IPO5: variants seen among roughly 807,000 people sequenced by gnomAD.
The protein encoded by IPO5 is importin-5.
IPO5 carries 18 observed loss-of-function variants against 143.3 expected under a neutral mutation model. The observed-to-expected ratio is 0.13, with a 90% confidence interval of 0.09 to 0.19. IPO5 has a LOEUF of 0.19. Ranked by LOEUF, IPO5 falls within the 10% of genes least tolerant of loss-of-function variation. The probability of loss-of-function intolerance (pLI) is 1.00; values close to 1 mark genes in which losing one functional copy is unlikely to be tolerated. For synonymous variants in IPO5, 477 were observed against 465.7 expected, an observed-to-expected ratio of 1.02 and a Z score of -0.31; for missense variants, 1,013 against 1,336.9, an observed-to-expected ratio of 0.76 and a Z score of 3.78.
In IPO5 at chr13:98,002,538, G is replaced by C; in HGVS notation, c.1180G>C (p.Glu394Gln). 6.2e-7 allele frequency: 1 copy of C among 1,614,002 alleles called. No individual in the cohort carries two copies. Among genetic ancestry groups the C allele is most frequent in the Non-Finnish European group, 8.5e-7 (1 of 1,179,890 alleles). Residue 394 changes from glutamate to glutamine, a missense_variant, in exon 14 of 29, where the codon GAA becomes CAA. By Grantham distance (29) the Glu-to-Gln change is conservative. Coordinates refer to ENST00000651721, the MANE Select transcript of IPO5 (RefSeq NM_002271.6). ...TGGTGAAGGGTGCCACCAGCAAATG[G>C]AAGGAATTCTAAATGAGATCGTAAA... ...AIGEGCHQQM[E>Q]GILNEIVNFV...
Position 98,002,908 on chromosome 13 carries a change from A to G in IPO5, c.1368A>G (p.Gln456=), listed in dbSNP as rs1344598892. The change falls in exon 16 of 29, where the codon CAA becomes CAG. Residue 456 remains glutamine, a synonymous_variant. Coordinates refer to ENST00000651721, the MANE Select transcript of IPO5 (RefSeq NM_002271.6). ...LLQTMEDQGN[Q]RVQAHAAAAL... ...AGACCATGGAAGACCAAGGCAATCA[A>G]CGTGTGCAGGCCCATGCAGCTGCTG... The G allele has an allele frequency of 5.0e-6, 8 of 1,613,874 alleles. No homozygotes were observed. The highest frequency in any genetic ancestry group is 1.1e-5 in the South Asian group (1 of 91,038).
At position 97,993,235 on chromosome 13, in the gene IPO5, T is replaced by A. The variant is rs780183078; in HGVS notation, c.913+10T>A. On this transcript the variant is annotated intron_variant, in intron 11 of 28. Transcript: ENST00000651721. ...ATTGTTGCACAGACTAGTAAGTCAA[T>A]GGTCTTCAGATAGTTTATGTGTATT... The A allele has an allele frequency of 1.9e-6, 3 of 1,612,786 alleles. No homozygotes were observed. The highest frequency in any genetic ancestry group is 2.5e-6 in the Non-Finnish European group (3 of 1,179,594).
chr13:98,013,407 G>A (rs1397806986), intron 21 of IPO5, among the ~76,000 whole-genome samples: 5 of 152,082 alleles, frequency 3.3e-5, no homozygotes, highest in Admixed American at 6.6e-5. Flanking sequence ...CTTTACACAC[G>A]AGAGTGGTAG....
intron 21 of IPO5, among the ~76,000 whole-genome samples, chr13:98,012,801 ATTTTTTTTTTTTT>A (rs59658983): frequency 1.8e-5 from 2 of 109,180 alleles, no homozygotes; most frequent in African/African-American, 6.8e-5. Context: ...GCTAGATTTG[ATTTTTTTTTTTTT>A]TTTTTTTTTT....
At chr13:98,001,520 C>G (rs1888775641) in intron 13 of IPO5, 1 of 152,220 alleles carries the variant, frequency 6.6e-6, no homozygotes, top group Non-Finnish European at 1.5e-5. Flanking sequence ...CTCTGTCAAA[C>G]AGGCTGGAGT....
At chr13:97,986,908 T>C (rs1240406901) in intron 6 of IPO5, 1 of 152,280 alleles carries the variant, frequency 6.6e-6, no homozygotes, top group African/African-American at 2.4e-5. Flanking sequence ...GAAGCTCTGA[T>C]ACATTGAGGG....
chr13:98,008,160 A>G lies in IPO5; in HGVS notation c.1800+18A>G. On this transcript the variant is annotated intron_variant, in intron 18 of 28. Coordinates refer to ENST00000651721, the MANE Select transcript of IPO5 (RefSeq NM_002271.6). ...ATCCTCAGGTAAGTGGTCTTAATGCATTTGCTTTGATCCGCTAATGAGTTG... is the reference window on the plus strand; with the variant it reads ...ATCCTCAGGTAAGTGGTCTTAATGCGTTTGCTTTGATCCGCTAATGAGTTG... The G allele has an allele frequency of 1.4e-6, 2 of 1,448,162 alleles. No homozygotes were observed. Among genetic ancestry groups the G allele is most frequent in the Non-Finnish European group, 1.9e-6 (2 of 1,029,008 alleles). 89.7% of individuals were successfully genotyped at this position (1,448,162 alleles called of 1,614,324 possible).
intron 11 of IPO5, among the ~76,000 whole-genome samples, chr13:97,997,286 ATG>A (rs1888376960): frequency 6.6e-6 from 1 of 152,330 alleles, no homozygotes; most frequent in Middle Eastern, 3.4e-3. Context: ...GATGGGGAGA[ATG>A]TAATCGGATT....
At chr13:98,011,141 A>G (rs1313727803) in intron 20 of IPO5, among the ~76,000 whole-genome samples, 1 of 152,196 alleles carries the variant, frequency 6.6e-6, no homozygotes, top group East Asian at 1.9e-4. Context: ...CTTAGTATCT[A>G]TAAATTATAA....
intron 21 of IPO5, 60 bp downstream of exon 21, chr13:98,012,402 G>T: frequency 9.7e-7 from 1 of 1,029,376 alleles, no homozygotes; most frequent in South Asian, 1.3e-5. Context: ...TAGTTTCTTG[G>T]AGTATTAGAC....
At chr13:97,960,007 C>T (rs938573626) in intron 2 of IPO5, among the ~76,000 whole-genome samples, 9 of 152,128 alleles carry the variant, frequency 5.9e-5, no homozygotes, top group Non-Finnish European at 1.2e-4. Flanking sequence ...GTTCATTAAA[C>T]AAATACTACT....
intron 6 of IPO5, among the ~76,000 whole-genome samples, chr13:97,988,344 GT>G (rs1210058393): frequency 1.4e-4 from 22 of 152,270 alleles, no homozygotes; most frequent in African/African-American, 4.6e-4. Flanking sequence ...CAAAGTAGTT[GT>G]TACTTTGGTT....
chr13:97,986,473 A>G (rs1470626246), intron 6 of IPO5, among the ~76,000 whole-genome samples: 1 of 151,886 alleles, frequency 6.6e-6, no homozygotes, highest in Non-Finnish European at 1.5e-5. Context: ...TTCCTGCCTC[A>G]GCCTACCAAG....
chr13:97,976,870 G>A (rs1172019118), intron 4 of IPO5, 84 bp downstream of exon 4: 13 of 350,792 alleles, frequency 3.7e-5, no homozygotes, highest in Middle Eastern at 4.8e-4. Context: ...GGCCTCGGCC[G>A]GTCCGCGGCG....
rs1299684105 is a variant in IPO5 at position 97,954,130 on chromosome 13, G to A, written c.-181G>A. The A allele has an allele frequency of 3.9e-6, 1 of 255,086 alleles. No individual in the cohort carries two copies. Among genetic ancestry groups the A allele is most frequent in the Non-Finnish European group, 7.9e-6 (1 of 126,716 alleles). 15.8% of individuals were successfully genotyped at this position (255,086 alleles called of 1,614,324 possible). On this transcript the variant is annotated 5_prime_UTR_variant, in exon 2 of 29. Transcript: ENST00000651721. ...TTTATTTCACTTAGGTGGTTCCGGG[G>A]AGAAGCCTTTCCAGGACCCATGTGT... is the stretch of plus-strand genomic sequence containing the variant.
chr13:97,968,977 C>T (rs2139543307), intron 2 of IPO5, among the ~76,000 whole-genome samples: 1 of 152,046 alleles, frequency 6.6e-6, no homozygotes, highest in African/African-American at 2.4e-5. Flanking sequence ...GCGCCTGCCA[C>T]TACGCCTAGC....
At chr13:98,015,416 T>A (rs746526704) in intron 22 of IPO5, 114 bp from the exon 23 acceptor site, 1 of 649,722 alleles carries the variant, frequency 1.5e-6, no homozygotes, top group Non-Finnish European at 2.8e-6. Context: ...ATGTAAATAA[T>A]CTTCCAGGAT....
chr13:97,988,419 A>C (rs1477038836), intron 6 of IPO5, among the ~76,000 whole-genome samples: 2 of 152,218 alleles, frequency 1.3e-5, no homozygotes, highest in African/African-American at 4.8e-5. Flanking sequence ...GCAATGGTAT[A>C]TATAAAGGAG....
At chr13:98,001,533 A>G (rs1208968285) in intron 13 of IPO5, 1 of 152,234 alleles carries the variant, frequency 6.6e-6, no homozygotes, top group African/African-American at 2.4e-5. Flanking sequence ...GCTGGAGTGC[A>G]GTGGTGCAAT....
Sources: gnomAD v4.1 joint callset for allele counts (sites outside exome capture counted in the v4.1 genomes callset) on GRCh38, gnomAD v4.1.1 for gene constraint, MANE v1.5 for transcripts, NCBI Gene and HGNC (gene_info 2026-07-23, HGNC 2026-07-21) for gene names.